Variants in OLR1 observed in about 807,000 individuals in gnomAD.
The protein encoded by OLR1 is oxidized low-density lipoprotein receptor 1.
Under a neutral mutation model 31.7 loss-of-function variants are expected in OLR1, and 23 were observed. The observed-to-expected ratio is 0.72, with a 90% CI of 0.52 to 1.03. OLR1 has a LOEUF of 1.03. Among genes scored for constraint, OLR1 ranks in the 50% least tolerant of loss-of-function variants. The pLI is 0.00. For synonymous variants in OLR1, 117 were observed against 115.8 expected (o/e 1.01, Z -0.07); for missense variants, 286 against 315.7 (o/e 0.91, Z 0.71).
chr12:10,169,171 A>T lies in OLR1; in HGVS notation c.81T>A (p.Leu27=). The T allele has an allele frequency of 6.2e-7, 1 of 1,609,884 alleles. No individual in the cohort carries two copies. Among genetic ancestry groups the T allele is most frequent in the Non-Finnish European group, 8.5e-7 (1 of 1,178,196 alleles). Residue 27 remains leucine (L), a synonymous_variant, in exon 2 of 6, where the codon CTT becomes CTA. Transcript: ENST00000309539. ...ACCACCATGGAGAGTAAAGAAACTG[A>T]AGACCTAGAGTGACAGAGGATAGAA... The part of the protein sequence containing the change: ...EKSNGKKAKG[L]QFLYSPWWCL...
rs900328681 is a variant in OLR1 at position 10,158,830 on chromosome 12, C to A, written c.*1050G>T. On this transcript the variant is annotated 3_prime_UTR_variant, in exon 6 of 6. Transcript: ENST00000309539. ...AAAAAGATTCCTGCTAGATTGTGTG[C>A]AGCAAAATAAAAAGGCTTCCTTTAA... 2 of 150,244 alleles carry A rather than the reference C, an allele frequency of 1.3e-5. No homozygotes were observed. The highest frequency in any genetic ancestry group is 3.0e-5 in the Non-Finnish European group (2 of 67,722). The allele number at this position is 150,244 out of a possible 1,614,324, so 9.3% of individuals were successfully genotyped here.
upstream of OLR1, among the ~76,000 whole-genome samples, chr12:10,172,888 A>G (rs1354105245): frequency 6.6e-6 from 1 of 152,230 alleles, no homozygotes; most frequent in Non-Finnish European, 1.5e-5. Flanking sequence ...TAACATTGTT[A>G]TAGGAATTCA....
At chr12:10,175,396 A>G (rs7296800), upstream of OLR1, 80,991 of 151,826 alleles carry the variant, frequency 0.53, 22,450 homozygotes, top group Middle Eastern at 0.71. Flanking sequence ...TGAGAGTGCA[A>G]CCCAGCAGCC....
chr12:10,162,607 C>T (rs1156284252), intron 3 of OLR1, among the ~76,000 whole-genome samples: 1 of 152,062 alleles, frequency 6.6e-6, no homozygotes, highest in Non-Finnish European at 1.5e-5. Flanking sequence ...GTGGGTGGAT[C>T]GCTTGAGGCC....
chr12:10,170,892 T>C (rs958106034), intron 1 of OLR1: 5 of 152,296 alleles, frequency 3.3e-5, no homozygotes, highest in Admixed American at 6.5e-5. Context: ...TTGTCCTGTG[T>C]CCTTGGTAGG....
chr12:10,162,751 C>A (rs1287409477), intron 3 of OLR1, among the ~76,000 whole-genome samples: 1 of 152,114 alleles, frequency 6.6e-6, no homozygotes, highest in East Asian at 1.9e-4. Flanking sequence ...TCACTTGAAC[C>A]TAGGAGGTGG....
chr12:10,161,657 C>G (rs1182070053), intron 3 of OLR1, among the ~76,000 whole-genome samples: 2 of 152,112 alleles, frequency 1.3e-5, no homozygotes, highest in African/African-American at 2.4e-5. Flanking sequence ...ATCCTCCTGC[C>G]TCAGCCTCCC....
upstream of OLR1, among the ~76,000 whole-genome samples, chr12:10,173,575 A>T (rs1369105924): frequency 6.6e-6 from 1 of 151,660 alleles, no homozygotes; most frequent in Non-Finnish European, 1.5e-5. Flanking sequence ...TGAGGTCAGG[A>T]GTTCGAGACC....
chr12:10,170,112 CT>C (rs899674788), intron 1 of OLR1, among the ~76,000 whole-genome samples: 3 of 152,258 alleles, frequency 2.0e-5, no homozygotes, highest in African/African-American at 7.2e-5. Flanking sequence ...AAAAATAAGT[CT>C]TTAGTCTAAT....
chr12:10,175,704 G>A (rs1398783980), upstream of OLR1, among the ~76,000 whole-genome samples: 1 of 152,162 alleles, frequency 6.6e-6, no homozygotes, highest in African/African-American at 2.4e-5. Context: ...CTTCCCAAGG[G>A]ATCTCCCAAG....
upstream of OLR1, chr12:10,175,506 T>C (rs576147977): frequency 7.9e-5 from 12 of 152,332 alleles, no homozygotes; most frequent in African/African-American, 2.4e-4. Context: ...AAGTACATTG[T>C]TTTACCTTGC....
Position 10,159,029 on chromosome 12 carries a change from A to G in OLR1, c.*851T>C, listed in dbSNP as rs1181768770. On this transcript the variant is annotated 3_prime_UTR_variant, in exon 6 of 6. Transcript: ENST00000309539. The stretch of plus-strand genomic sequence containing the variant: ...GTATGTTTCGGAATTATAGCATAGC[A>G]AAACAGAGTTGAGAAGAGTTCATCT... 6.6e-6 allele frequency: 1 copy of G among 152,202 alleles called. No individual in the cohort carries two copies. Among genetic ancestry groups the G allele is most frequent in the African/African-American group, 2.4e-5 (1 of 41,454 alleles). The allele number at this position is 152,202 out of a possible 1,614,324, so 9.4% of individuals were successfully genotyped here.
intron 3 of OLR1, among the ~76,000 whole-genome samples, chr12:10,161,744 C>A (rs1267389444): frequency 6.6e-6 from 1 of 151,322 alleles, no homozygotes; most frequent in African/African-American, 2.4e-5. Context: ...GTAAAACACA[C>A]AAAAGATTTT....
upstream of OLR1, among the ~76,000 whole-genome samples, chr12:10,174,452 C>A (rs184008622): frequency 6.6e-6 from 1 of 152,088 alleles, no homozygotes; most frequent in Non-Finnish European, 1.5e-5. Flanking sequence ...AAGTAGATTT[C>A]GCTGCATAAT....
At chr12:10,167,013 G>A (rs1948668793) in intron 2 of OLR1, 56 bp from the exon 3 acceptor site, 3 of 1,533,944 alleles carry the variant, frequency 2.0e-6, no homozygotes, top group South Asian at 1.2e-5. Flanking sequence ...ATCCCTCCAG[G>A]GACTTTTTGA....
upstream of OLR1, chr12:10,172,188 G>T: frequency 1.4e-6 from 1 of 712,618 alleles, no homozygotes; most frequent in Non-Finnish European, 2.4e-6. Context: ...TCTAATAGAA[G>T]AATGACTCAA....
chr12:10,166,656 T>G (rs1948664744), intron 3 of OLR1, 56 bp downstream of exon 3: 5 of 1,601,676 alleles, frequency 3.1e-6, no homozygotes, highest in Non-Finnish European at 3.4e-6. Context: ...CAAAAAATAG[T>G]TATGATTGGA....
chr12:10,169,250 C>A, intron 1 of OLR1, 75 bp from the exon 2 acceptor site: 2 of 1,014,292 alleles, frequency 2.0e-6, no homozygotes, highest in East Asian at 2.5e-5. Context: ...TGGAGCCTGT[C>A]TGTACTTGGT....
upstream of OLR1, chr12:10,175,351 A>G (rs1476212363): frequency 6.6e-6 from 1 of 152,114 alleles, no homozygotes; most frequent in Admixed American, 6.6e-5. Context: ...GGAGCTTGCA[A>G]GTGAATCTTC....
Sources: allele counts gnomAD v4.1 joint callset (sites outside exome capture counted in the v4.1 genomes callset), GRCh38; gene constraint gnomAD v4.1.1; transcripts MANE v1.5; gene names NCBI Gene and HGNC (gene_info 2026-07-23, HGNC 2026-07-21).